The following EFHB variants were observed in gnomAD, a reference collection of about 807,000 sequenced individuals.
EFHB encodes EF-hand domain family member B.
Under a neutral mutation model 87.2 loss-of-function variants are expected in EFHB, and 91 were observed. The ratio of observed to expected loss-of-function variants is 1.04; its 90% confidence interval spans 0.88 to 1.24. The LOEUF (loss-of-function observed/expected upper bound fraction) is 1.24, where lower values mean the gene tolerates loss of function less well. Ranked by LOEUF, EFHB falls within the 50% of genes most tolerant of loss-of-function variation. The probability of loss-of-function intolerance (pLI) is 0.00; values close to 1 mark genes in which losing one functional copy is unlikely to be tolerated. For synonymous variants in EFHB, 325 were observed against 333.6 expected (o/e 0.97, Z 0.28); for missense variants, 1,084 against 998.8 (o/e 1.09, Z -1.15).
intron 1 of EFHB, among the ~76,000 whole-genome samples, chr3:19,931,334 T>C (rs117236788): frequency 6.6e-6 from 1 of 152,134 alleles, no homozygotes; most frequent in African/African-American, 2.4e-5. Context: ...GTATGCGAAG[T>C]GGGAGGAAGC....
At chr3:19,940,804 G>T in intron 1 of EFHB, 1 of 369,658 alleles carries the variant, frequency 2.7e-6, no homozygotes, top group Non-Finnish European at 5.4e-6. Context: ...CCTGTGAGTT[G>T]AAACTTGCCA....
chr3:19,935,634 C>T (rs947705169), upstream of EFHB, among the ~76,000 whole-genome samples: 2 of 152,038 alleles, frequency 1.3e-5, no homozygotes, highest in East Asian at 1.9e-4. Context: ...ATCATTTAAA[C>T]CCGGAGGCAG....
Position 19,888,666 on chromosome 3 carries a change from G to A in EFHB, c.1726-15C>T. The A allele has an allele frequency of 1.3e-6, 2 of 1,588,690 alleles. No individual in the cohort carries two copies. The highest frequency in any genetic ancestry group is 8.6e-7 in the Non-Finnish European group (1 of 1,164,976). On this transcript the variant is annotated splice_polypyrimidine_tract_variant and intron_variant, in intron 9 of 12. Coordinates refer to ENST00000295824, the MANE Select transcript of EFHB (RefSeq NM_144715.4). ...CCATCTCCCTTCTGTTATACAGGAA[G>A]CAAAAGAACATAAAATGGGAGTTGT...
chr3:19,923,393 G>A (rs1200064274), intron 1 of EFHB, among the ~76,000 whole-genome samples: 2 of 152,058 alleles, frequency 1.3e-5, no homozygotes, highest in South Asian at 2.1e-4. Context: ...GTCTGATTCC[G>A]TCTTCTAGGT....
intron 1 of EFHB, chr3:19,941,221 G>A: frequency 3.0e-6 from 1 of 332,506 alleles, no homozygotes; most frequent in South Asian, 3.7e-5. Context: ...GTCTTGAAGG[G>A]CTTTCTCTAT....
intron 5 of EFHB, among the ~76,000 whole-genome samples, chr3:19,908,643 A>T (rs1350867260): frequency 1.3e-5 from 2 of 151,396 alleles, no homozygotes. Context: ...AAAGAAAGAA[A>T]GAAAGAAAGA....
At chr3:19,917,078 C>T (rs907583310) in intron 4 of EFHB, among the ~76,000 whole-genome samples, 1 of 151,842 alleles carries the variant, frequency 6.6e-6, no homozygotes, top group Admixed American at 6.6e-5. Context: ...TTAAACCTAT[C>T]GAAAAGAAGA....
At chr3:19,945,319 G>A (rs1050532963) in intron 1 of EFHB, among the ~76,000 whole-genome samples, 2 of 152,202 alleles carry the variant, frequency 1.3e-5, no homozygotes, top group African/African-American at 4.8e-5. Context: ...GTCAAGTAAT[G>A]ACATAGCATT....
intron 9 of EFHB, among the ~76,000 whole-genome samples, chr3:19,888,993 C>T (rs897069249): frequency 1.3e-5 from 2 of 152,142 alleles, no homozygotes; most frequent in African/African-American, 4.8e-5. Flanking sequence ...GAGATAGTTG[C>T]AGGACAAGTT....
At chr3:19,888,673 A>C in intron 9 of EFHB, 22 bp from the exon 10 acceptor site, 1 of 1,580,514 alleles carries the variant, frequency 6.3e-7, no homozygotes, top group Non-Finnish European at 8.6e-7. Context: ...GAAGCAAAAG[A>C]ACATAAAATG....
In EFHB at chr3:19,882,681, G is replaced by A. The variant is rs370616437; in HGVS notation, c.2197C>T (p.Arg733Ter). ...GTTCTGTCACTGATGCGACGAATTC[G>A]GGGAGCAGGAATGTCAGATCGAATG... Reference protein sequence around the residue: ...PTIRSDIPAPRIRRISDRTNY... With the variant: ...PTIRSDIPAP Residue 733 changes from arginine (R) to a stop codon, truncating the protein, a stop_gained, in exon 12 of 13, where the codon CGA becomes TGA. Transcript: ENST00000295824. LOFTEE classifies it high-confidence loss of function. 4.8e-5 allele frequency: 78 copies of A among 1,613,626 alleles called. No homozygotes were observed. Among genetic ancestry groups the A allele is most frequent in the Non-Finnish European group, 5.9e-5 (70 of 1,179,790 alleles).
At chr3:19,889,555 G>A (rs953419686) in intron 9 of EFHB, among the ~76,000 whole-genome samples, 1 of 152,128 alleles carries the variant, frequency 6.6e-6, no homozygotes, top group Non-Finnish European at 1.5e-5. Flanking sequence ...CAATGCTGAT[G>A]GAGGCAATCC....
At chr3:19,893,516 A>G (rs874983) in intron 9 of EFHB, among the ~76,000 whole-genome samples, 76,459 of 151,472 alleles carry the variant, frequency 0.5, 22,051 homozygotes, top group African/African-American at 0.81. Flanking sequence ...GGGGAGTGAC[A>G]GACATCATGA....
chr3:19,936,873 T>TAATG (rs146449319), upstream of EFHB, among the ~76,000 whole-genome samples: 2 of 136,598 alleles, frequency 1.5e-5, no homozygotes, highest in African/African-American at 5.6e-5. Flanking sequence ...CATCTCAAAA[T>TAATG]AATAAATAAA....
intron 1 of EFHB, among the ~76,000 whole-genome samples, chr3:19,941,921 A>AG (rs34042550): frequency 1.1e-3 from 159 of 149,998 alleles, no homozygotes; most frequent in Non-Finnish European, 2.0e-3. Context: ...TGGGAGGCTG[A>AG]GGGGGGGCAG....
At chr3:19,902,016 C>T (rs1694688662) in intron 6 of EFHB, among the ~76,000 whole-genome samples, 1 of 151,850 alleles carries the variant, frequency 6.6e-6, no homozygotes, top group Non-Finnish European at 1.5e-5. Context: ...AGAAAAAGAA[C>T]TGTCAGGCAC....
At chr3:19,943,582 C>T (rs190496209) in intron 1 of EFHB, among the ~76,000 whole-genome samples, 2 of 151,996 alleles carry the variant, frequency 1.3e-5, no homozygotes, top group African/African-American at 4.8e-5. Context: ...CAAAATAATA[C>T]AAATTAAAAA....
Position 19,915,395 on chromosome 3 carries a change from A to G in EFHB, c.1196T>C (p.Val399Ala), listed in dbSNP as rs762512808. 1 of 1,611,384 alleles carries G rather than the reference A, an allele frequency of 6.2e-7. No individual in the cohort carries two copies. The highest frequency in any genetic ancestry group is 2.2e-5 in the East Asian group (1 of 44,832). The change falls in exon 5 of 13, where the codon GTG becomes GCG. Residue 399 changes from valine to alanine, a missense_variant. Val to Ala is a moderately conservative substitution (Grantham distance 64). Transcript: ENST00000295824. Reference sequence around the variant, plus strand: ...TTCATAGGATTTTGGTGGATTCACCACATCTTTAGCAGAGTATTCTGAAGG... The same window carrying G: ...TTCATAGGATTTTGGTGGATTCACCGCATCTTTAGCAGAGTATTCTGAAGG... ...AVIKEYSAKDVVNPPKSYEEV... is the reference protein window; with the variant it reads ...AVIKEYSAKDAVNPPKSYEEV...
At chr3:19,918,559 G>C (rs1332400175) in intron 3 of EFHB, 147 bp from the exon 4 acceptor site, 1 of 775,918 alleles carries the variant, frequency 1.3e-6, no homozygotes, top group Non-Finnish European at 1.9e-6. Context: ...ACCTTCAAAT[G>C]AACTGTCAGA....
Sources: allele counts gnomAD v4.1 joint callset (sites outside exome capture counted in the v4.1 genomes callset), GRCh38; gene constraint gnomAD v4.1.1; transcripts MANE v1.5; gene names NCBI Gene and HGNC (gene_info 2026-07-23, HGNC 2026-07-21).